Variants in TAGLN2 observed in about 807,000 individuals in gnomAD.
TAGLN2 encodes the protein transgelin 2.
TAGLN2 carries 14 observed loss-of-function variants against 24.9 expected under a neutral mutation model. The observed-to-expected ratio is 0.56, with a 90% CI of 0.37 to 0.88. The LOEUF (loss-of-function observed/expected upper bound fraction) is 0.88. Ranked by LOEUF, TAGLN2 falls within the 40% of genes least tolerant of loss-of-function variation. TAGLN2 has a pLI of 0.00. For synonymous variants in TAGLN2, 77 were observed against 98.2 expected, an observed-to-expected ratio of 0.78 and a Z score of 1.28; for missense variants, 208 against 258.9, an observed-to-expected ratio of 0.80 and a Z score of 1.35.
At chr1:159,923,612 G>T in intron 1 of TAGLN2, 1 of 817,780 alleles carries the variant, frequency 1.2e-6, no homozygotes. Flanking sequence ...TCAAAGAGCA[G>T]CACAGTGAGG....
rs774104605 is a variant in TAGLN2, at chr1:159,920,554, C to T, written c.-28-17G>A. The T allele has an allele frequency of 6.2e-7, 1 of 1,605,944 alleles. No homozygotes were observed. The highest frequency in any genetic ancestry group is 8.5e-7 in the Non-Finnish European group (1 of 1,174,286). On this transcript the variant is annotated splice_polypyrimidine_tract_variant and intron_variant, in intron 1 of 4. Coordinates refer to ENST00000368097, the MANE Select transcript of TAGLN2 (RefSeq NM_003564.3). ...TGCGGGGAGCTAGGGAGAGGACACA[C>T]CCGGGCTTTTGGTCAACACCTTGCA... is the stretch of plus-strand genomic sequence containing the variant.
At chr1:159,923,617 G>GT in intron 1 of TAGLN2, 1 of 779,722 alleles carries the variant, frequency 1.3e-6, no homozygotes, top group Non-Finnish European at 1.9e-6. Flanking sequence ...GAGCAGCACA[G>GT]TGAGGGCACC....
At chr1:159,921,962 G>A (rs1239903202) in intron 1 of TAGLN2, among the ~76,000 whole-genome samples, 1 of 152,212 alleles carries the variant, frequency 6.6e-6, no homozygotes, top group Non-Finnish European at 1.5e-5. Flanking sequence ...AACAGAGCTA[G>A]CTGTCAGGCT....
chr1:159,921,791 A>G (rs1251942362), intron 1 of TAGLN2, among the ~76,000 whole-genome samples: 1 of 152,248 alleles, frequency 6.6e-6, no homozygotes, highest in East Asian at 1.9e-4. Flanking sequence ...TCACTGTGGC[A>G]GTGTGTTCCC....
intron 1 of TAGLN2, chr1:159,923,418 C>T: frequency 6.5e-6 from 10 of 1,549,740 alleles, no homozygotes; most frequent in Non-Finnish European, 8.7e-6. Context: ...CCACCCAGAC[C>T]CTGGGCTGGA....
At chr1:159,923,324 C>T (rs1650595116) in intron 1 of TAGLN2, 3 of 1,269,396 alleles carry the variant, frequency 2.4e-6, no homozygotes, top group Non-Finnish European at 3.3e-6. Context: ...CCTAGCGCTA[C>T]TGCAGCTGTG....
Position 159,919,731 on chromosome 1 carries a change from C to A in TAGLN2, c.285G>T (p.Gln95His). 6.2e-7 allele frequency: 1 copy of A among 1,613,952 alleles called. No homozygotes were observed. The highest frequency in any genetic ancestry group is 8.5e-7 in the Non-Finnish European group (1 of 1,179,936). ...MAFKQMEQIS[Q>H]FLQAAERYGI... ...CATAGCGCTCAGCTGCTTGCAGGAA[C>A]TGAGAGATCTGCTCCATCTGCTTGA... The change falls in exon 3 of 5, where the codon CAG becomes CAT. Residue 95 changes from glutamine (Q) to histidine (H), a missense_variant. Coordinates refer to ENST00000368097, the MANE Select transcript of TAGLN2 (RefSeq NM_003564.3).
chr1:159,923,918 T>A (rs1383173141), intron 1 of TAGLN2, among the ~76,000 whole-genome samples: 1 of 152,068 alleles, frequency 6.6e-6, no homozygotes, highest in African/African-American at 2.4e-5. Context: ...GGAGCAGAAG[T>A]GGGATCGTCT....
Position 159,923,639 on chromosome 1 carries a change from C to T in TAGLN2, c.-29+1811G>A, listed in dbSNP as rs527616929. 3,120 of 576,426 alleles carry T rather than the reference C, an allele frequency of 5.4e-3. 17 individuals are homozygous for T. Among genetic ancestry groups the T allele is most frequent in the Non-Finnish European group, 7.9e-3 (2,798 of 354,734 alleles). The allele number at this position is 576,426 out of a possible 1,614,324, so 35.7% of individuals were successfully genotyped here. A position where few individuals can be genotyped will look rare whatever the true frequency, so the allele number is the denominator to read the frequency against. ...ACAGTGAGGGCACCAGCCCACAGAG[C>T]GAGGTGCCACAGCCAGCAGCAAGGA... On this transcript the variant is annotated intron_variant, in intron 1 of 4. Coordinates refer to ENST00000368097, the MANE Select transcript of TAGLN2 (RefSeq NM_003564.3).
At chr1:159,922,297 C>T (rs1465456588) in intron 1 of TAGLN2, among the ~76,000 whole-genome samples, 4 of 152,204 alleles carry the variant, frequency 2.6e-5, no homozygotes, top group South Asian at 4.1e-4. Context: ...TGCACATTTC[C>T]GGCAGATCCT....
chr1:159,922,986 C>T (rs1183056933), intron 1 of TAGLN2, among the ~76,000 whole-genome samples: 2 of 152,234 alleles, frequency 1.3e-5, no homozygotes, highest in Non-Finnish European at 2.9e-5. Flanking sequence ...TCTGAGGTGC[C>T]AGAGCCATAG....
chr1:159,923,701 G>T, intron 1 of TAGLN2: 1 of 421,118 alleles, frequency 2.4e-6, no homozygotes, highest in South Asian at 5.1e-5. Flanking sequence ...CCACCGTAGG[G>T]CAGCCCCTCA....
intron 2 of TAGLN2, chr1:159,920,114 C>T: frequency 1.2e-6 from 1 of 823,676 alleles, no homozygotes. Flanking sequence ...CTCAGTCTTC[C>T]ACTGCCTGGG....
chr1:159,925,386 C>T (rs1650673952), intron 1 of TAGLN2, 64 bp downstream of exon 1: 2 of 152,284 alleles, frequency 1.3e-5, no homozygotes, highest in Admixed American at 6.5e-5. Context: ...GTTCAAAGCG[C>T]TGGCTTCTTG....
intron 3 of TAGLN2, 140 bp from the exon 4 acceptor site, chr1:159,919,516 A>G (rs1252274423): frequency 1.4e-5 from 19 of 1,324,470 alleles, no homozygotes; most frequent in Non-Finnish European, 2.0e-5. Flanking sequence ...CCAGCCTCCA[A>G]TATGACCAAG....
intron 3 of TAGLN2, 107 bp downstream of exon 3, chr1:159,919,554 C>G: frequency 6.9e-7 from 1 of 1,443,688 alleles, no homozygotes; most frequent in East Asian, 2.3e-5. Context: ...ACACACCCCT[C>G]TTTCTCTGCA....
intron 2 of TAGLN2, chr1:159,920,053 A>G: frequency 2.6e-6 from 2 of 758,028 alleles, no homozygotes; most frequent in Non-Finnish European, 4.6e-6. Flanking sequence ...TTTCCTTGCT[A>G]ATATACCCTC....
intron 1 of TAGLN2, among the ~76,000 whole-genome samples, chr1:159,924,037 G>C (rs1557926959): frequency 1.3e-5 from 2 of 152,208 alleles, no homozygotes; most frequent in Admixed American, 1.3e-4. Context: ...TTGGGGTGAA[G>C]AAGAGGACTC....
At chr1:159,919,166 G>T in intron 4 of TAGLN2, 108 bp downstream of exon 4, 1 of 1,311,066 alleles carries the variant, frequency 7.6e-7, no homozygotes, top group South Asian at 1.2e-5. Flanking sequence ...TTTTCTGAAA[G>T]TGCTTTGTAA....
Sources: gnomAD v4.1 joint callset for allele counts (sites outside exome capture counted in the v4.1 genomes callset) on GRCh38, gnomAD v4.1.1 for gene constraint, MANE v1.5 for transcripts, NCBI Gene and HGNC (gene_info 2026-07-23, HGNC 2026-07-21) for gene names.